NDUFB7: variants seen among roughly 807,000 people sequenced by gnomAD.
NDUFB7 encodes NADH:ubiquinone oxidoreductase subunit B7.
A neutral mutation model predicts 14.7 loss-of-function variants in NDUFB7; 18 were observed. That is an observed-to-expected ratio of 1.22 (90% CI 0.85 to 1.81). The LOEUF (loss-of-function observed/expected upper bound fraction) is 1.81, where lower values mean the gene tolerates loss of function less well. NDUFB7 is among the 40% of genes most tolerant of loss of function. NDUFB7 has a pLI of 0.00. For synonymous variants in NDUFB7, 86 were observed against 76.1 expected (o/e 1.13, Z -0.68); for missense variants, 219 against 195.0 (o/e 1.12, Z -0.73).
intron 1 of NDUFB7, among the ~76,000 whole-genome samples, chr19:14,569,651 G>T (rs544281494): frequency 5.3e-5 from 8 of 152,322 alleles, no homozygotes; most frequent in African/African-American, 1.9e-4. Flanking sequence ...CCAATGAACT[G>T]CAGGTTCAGC....
chr19:14,571,130 C>T (rs2074122675), intron 1 of NDUFB7, among the ~76,000 whole-genome samples: 1 of 151,922 alleles, frequency 6.6e-6, no homozygotes, highest in East Asian at 2.0e-4. Context: ...TACACTCAGC[C>T]TGGGCAACAG....
At chr19:14,569,141 G>C (rs537791169) in intron 1 of NDUFB7, among the ~76,000 whole-genome samples, 28 of 151,976 alleles carry the variant, frequency 1.8e-4, no homozygotes, top group African/African-American at 6.3e-4. Flanking sequence ...TGGCTGAAAG[G>C]GGGTGGAAAG....
chr19:14,569,508 T>G (rs187476670), intron 1 of NDUFB7, among the ~76,000 whole-genome samples: 1 of 151,906 alleles, frequency 6.6e-6, no homozygotes, highest in Admixed American at 6.6e-5. Flanking sequence ...TGCACGGGGA[T>G]AGGCACCAAG....
At chr19:14,566,686 G>A in intron 2 of NDUFB7, 79 bp downstream of exon 2, 4 of 1,327,258 alleles carry the variant, frequency 3.0e-6, no homozygotes, top group Non-Finnish European at 4.0e-6. Context: ...GGGGGGCTTG[G>A]GTGGGCCAGG....
rs368670689 is a variant in NDUFB7 at position 14,566,207 on chromosome 19, G to T, written c.340C>A (p.Arg114=). The T allele has an allele frequency of 6.2e-7, 1 of 1,613,904 alleles. No individual in the cohort carries two copies. Among genetic ancestry groups the T allele is most frequent in the Non-Finnish European group, 8.5e-7 (1 of 1,179,988 alleles). ...AACTCTGCCGCCTTCTTCTCCCGCCGCTTCTTCCGCTGGAGCAGCCTCCGC... is the reference window on the plus strand; with the variant it reads ...AACTCTGCCGCCTTCTTCTCCCGCCTCTTCTTCCGCTGGAGCAGCCTCCGC... ...RERRLLQRKK[R]REKKAAELAK... is the part of the protein sequence containing the mutation. Residue 114 remains arginine (R), a synonymous_variant, in exon 3 of 3, where the codon CGG becomes AGG. Coordinates refer to ENST00000215565, the MANE Select transcript of NDUFB7 (RefSeq NM_004146.6).
Position 14,567,291 on chromosome 19 carries a change from T to G in NDUFB7, c.113-358A>C, listed in dbSNP as rs1471298885. Among the ~76,000 whole-genome samples, 1 of 152,000 alleles carries G rather than the reference T, an allele frequency of 6.6e-6. No homozygotes were observed. The highest frequency in any genetic ancestry group is 1.5e-5 in the Non-Finnish European group (1 of 67,974). On this transcript the variant is annotated intron_variant, in intron 1 of 2. Transcript: ENST00000215565. The surrounding 1 kb of genome is among the most constrained non-coding windows in gnomAD (Gnocchi z 5.1). ...CCAGAGTCCGAGTTCAGAATCCACC[T>G]TCTCCCAGAGTAACCCTCAGCCCCT...
At chr19:14,569,209 G>A (rs1451535094) in intron 1 of NDUFB7, among the ~76,000 whole-genome samples, 2 of 152,068 alleles carry the variant, frequency 1.3e-5, no homozygotes, top group Non-Finnish European at 2.9e-5. Flanking sequence ...TGAAGGATCC[G>A]GGAGGTAAGA....
At position 14,566,222 on chromosome 19, in the gene NDUFB7, G is replaced by A. The variant is rs757418462; in HGVS notation, c.325C>T (p.Leu109Phe). 3.5e-5 allele frequency: 57 copies of A among 1,613,978 alleles called. 1 individual carries two copies. The South Asian group carries it at 6.1e-4, about 17-fold the overall frequency. The change falls in exon 3 of 3, where the codon CTC becomes TTC. Residue 109 changes from leucine (L) to phenylalanine (F), a missense_variant. Leu to Phe is a conservative substitution (Grantham distance 22). Coordinates refer to ENST00000215565, the MANE Select transcript of NDUFB7 (RefSeq NM_004146.6). Reference protein sequence around the residue: ...MKEFERERRLLQRKKRREKKA... With the variant: ...MKEFERERRLFQRKKRREKKA... The stretch of plus-strand genomic sequence containing the variant: ...TTCTCCCGCCGCTTCTTCCGCTGGA[G>A]CAGCCTCCGCTCCCGCTCAAACTCC...
chr19:14,570,538 T>C (rs907205509), intron 1 of NDUFB7, among the ~76,000 whole-genome samples: 1 of 151,842 alleles, frequency 6.6e-6, no homozygotes, highest in African/African-American at 2.4e-5. Context: ...TGTTTCACCA[T>C]GTTGGCCAGG....
At chr19:14,568,761 G>A (rs1354231560) in intron 1 of NDUFB7, among the ~76,000 whole-genome samples, 2 of 152,192 alleles carry the variant, frequency 1.3e-5, no homozygotes, top group Non-Finnish European at 2.9e-5. Flanking sequence ...TGCACACGGA[G>A]TATCCAGAGC....
chr19:14,568,351 C>A (rs1489780608), intron 1 of NDUFB7, among the ~76,000 whole-genome samples: 5 of 152,126 alleles, frequency 3.3e-5, no homozygotes, highest in Non-Finnish European at 5.9e-5. Context: ...GGCCTGAGAG[C>A]CTTTTTCTCT....
intron 2 of NDUFB7, 50 bp from the exon 3 acceptor site, chr19:14,566,315 C>T (rs371431152): frequency 2.5e-6 from 4 of 1,610,290 alleles, no homozygotes; most frequent in East Asian, 4.5e-5. Flanking sequence ...CCAGGACACG[C>T]CCCCCAAGCC....
chr19:14,571,411 C>T (rs989208378), intron 1 of NDUFB7, among the ~76,000 whole-genome samples: 3 of 151,988 alleles, frequency 2.0e-5, no homozygotes, highest in Non-Finnish European at 4.4e-5. Flanking sequence ...GCCTGGCCAA[C>T]AAGGAGAAAC....
chr19:14,571,925 G>C lies in NDUFB7; in HGVS notation c.76C>G (p.Pro26Ala). Residue 26 changes from proline to alanine, a missense_variant, in exon 1 of 3, where the codon CCG becomes GCG. Pro to Ala is a conservative substitution (Grantham distance 27, BLOSUM62 -1). Transcript: ENST00000215565. ...EPDPLQMPTF[P>A]PDYGFPERKE... is the part of the protein sequence containing the mutation. ...CGTTCGGGGAAGCCGTAGTCTGGCG[G>C]GAAGGTTGGCATCTGCAGGGGGTCG... The C allele has an allele frequency of 6.2e-7, 1 of 1,612,214 alleles. No individual in the cohort carries two copies. Among genetic ancestry groups the C allele is most frequent in the African/African-American group, 1.3e-5 (1 of 75,046 alleles).
At chr19:14,569,779 A>G (rs140756430) in intron 1 of NDUFB7, among the ~76,000 whole-genome samples, 2 of 152,276 alleles carry the variant, frequency 1.3e-5, no homozygotes, top group East Asian at 3.9e-4. Context: ...CACTCAGTAG[A>G]CAGTGTGACC....
chr19:14,566,240 C>G lies in NDUFB7; in HGVS notation c.307G>C (p.Glu103Gln), dbSNP rs2074081895. The change falls in exon 3 of 3, where the codon GAG becomes CAG. Residue 103 changes from glutamate (E) to glutamine (Q), a missense_variant. Transcript: ENST00000215565. ...RDYVMRMKEF[E>Q]RERRLLQRKK... is the part of the protein sequence containing the mutation. Reference sequence around the variant, plus strand: ...CGCTGGAGCAGCCTCCGCTCCCGCTCAAACTCCTTCATGCGCATCACATAG... The same window carrying G: ...CGCTGGAGCAGCCTCCGCTCCCGCTGAAACTCCTTCATGCGCATCACATAG... 6.2e-7 allele frequency: 1 copy of G among 1,614,084 alleles called. No individual in the cohort carries two copies. Among genetic ancestry groups the G allele is most frequent in the Non-Finnish European group, 8.5e-7 (1 of 1,180,006 alleles).
chr19:14,568,122 G>C (rs2074104372), intron 1 of NDUFB7, among the ~76,000 whole-genome samples: 1 of 152,162 alleles, frequency 6.6e-6, no homozygotes, highest in South Asian at 2.1e-4. Context: ...TCAGCTCACT[G>C]CAACCCCTGT....
chr19:14,570,877 T>C (rs538022855), intron 1 of NDUFB7, among the ~76,000 whole-genome samples: 33 of 151,994 alleles, frequency 2.2e-4, no homozygotes, highest in African/African-American at 7.5e-4. Flanking sequence ...CAAAAAACCA[T>C]CCTGGGCGTA....
Position 14,571,920 on chromosome 19 carries a change from T to C in NDUFB7, c.81A>G (p.Pro27=). 1.2e-6 allele frequency: 2 copies of C among 1,612,152 alleles called. No individual in the cohort carries two copies. The highest frequency in any genetic ancestry group is 8.5e-7 in the Non-Finnish European group (1 of 1,179,514). The part of the protein sequence containing the change: ...PDPLQMPTFP[P]DYGFPERKER... ...CCTTGCGTTCGGGGAAGCCGTAGTC[T>C]GGCGGGAAGGTTGGCATCTGCAGGG... The change falls in exon 1 of 3, where the codon CCA becomes CCG. Residue 27 remains proline (P), a synonymous_variant. Coordinates refer to ENST00000215565, the MANE Select transcript of NDUFB7 (RefSeq NM_004146.6).
Sources: gnomAD v4.1 joint callset for allele counts (sites outside exome capture counted in the v4.1 genomes callset) on GRCh38, gnomAD v4.1.1 for gene constraint, Gnocchi (gnomAD v3.1) non-coding constraint, MANE v1.5 for transcripts, NCBI Gene and HGNC (gene_info 2026-07-23, HGNC 2026-07-21) for gene names.